PRKN: variants seen among roughly 807,000 people sequenced by gnomAD.
PRKN encodes the protein E3 ubiquitin-protein ligase parkin.
In PRKN, 56 loss-of-function variants were observed where a neutral mutation model predicts 59.5. The observed-to-expected ratio is 0.94, with a 90% confidence interval of 0.76 to 1.18. The LOEUF is 1.18. Ranked by LOEUF, PRKN falls within the 50% of genes most tolerant of loss-of-function variation. The pLI, the probability that PRKN is intolerant of heterozygous loss-of-function variation, is 0.00. For synonymous variants in PRKN, 250 were observed against 222.1 expected (o/e 1.13, Z -1.12); for missense variants, 657 against 596.4 (o/e 1.10, Z -1.06).
At chr6:161,637,569 T>A (rs375101761) in intron 7 of PRKN, among the ~76,000 whole-genome samples, 1 of 152,214 alleles carries the variant, frequency 6.6e-6, no homozygotes, top group South Asian at 2.1e-4. Flanking sequence ...GCCTTTCGTG[T>A]TTCTACAGAA....
chr6:161,759,995 C>A (rs1789122199), intron 7 of PRKN, among the ~76,000 whole-genome samples: 1 of 151,448 alleles, frequency 6.6e-6, no homozygotes. Flanking sequence ...CCGATTGAAC[C>A]ACAAATAATA....
In PRKN at chr6:161,977,819, TTG is replaced by T. The variant is rs1377494288; in HGVS notation, c.619-4404_619-4403del. On this transcript the variant is annotated intron_variant, in intron 5 of 11. Coordinates refer to ENST00000366898, the MANE Select transcript of PRKN (RefSeq NM_004562.3). ...ACCTTGGCCTCCCAAAGTGTTGGGA[TTG>T]TACAGGTGTGAGCCACCACGCCCGG... Among the ~76,000 whole-genome samples the T allele has an allele frequency of 9.2e-5, 14 of 151,408 alleles. No homozygotes were observed. The East Asian group carries it at 2.2e-3, about 23-fold the overall frequency.
In PRKN at chr6:161,467,147, A is replaced by G. The variant is rs1324725330; in HGVS notation, c.1084-80270T>C. The stretch of plus-strand genomic sequence containing the variant: ...TCAGTGTCCTGCTGCTGGGGGAGCC[A>G]TTTGTGCTGACGAATAGTTGTTTTT... On this transcript the variant is annotated intron_variant, in intron 9 of 11. Coordinates refer to ENST00000366898, the MANE Select transcript of PRKN (RefSeq NM_004562.3). The surrounding 1 kb of genome is among the most constrained non-coding windows in gnomAD (Gnocchi z 4.3). Among the ~76,000 whole-genome samples the G allele has an allele frequency of 6.6e-6, 1 of 152,120 alleles. No individual in the cohort carries two copies. Among genetic ancestry groups the G allele is most frequent in the East Asian group, 1.9e-4 (1 of 5,178 alleles).
chr6:162,642,302 T>C (rs1190784224), intron 1 of PRKN, among the ~76,000 whole-genome samples: 1 of 152,168 alleles, frequency 6.6e-6, no homozygotes, highest in African/African-American at 2.4e-5. Context: ...TTTAATGATA[T>C]GATCCATAAA....
chr6:161,361,184 T>C lies in PRKN; in HGVS notation c.1168-979A>G, dbSNP rs1485491913. 1.3e-5 allele frequency among the ~76,000 whole-genome samples: 2 copies of C among 152,200 alleles called. No individual in the cohort carries two copies. The highest frequency in any genetic ancestry group is 6.5e-5 in the Admixed American group (1 of 15,288). On this transcript the variant is annotated intron_variant, in intron 10 of 11. Coordinates refer to ENST00000366898, the MANE Select transcript of PRKN (RefSeq NM_004562.3). This position sits in a 1 kb window ranked among gnomAD's most constrained non-coding sequence, Gnocchi z 5.2. ...GATGCAGCATCACCAAAAACATGAA[T>C]CCAAACTTTGTCATTTCACTTTCGA... is the stretch of plus-strand genomic sequence containing the variant.
At chr6:162,125,320 C>G (rs1326663754) in intron 4 of PRKN, among the ~76,000 whole-genome samples, 1 of 152,186 alleles carries the variant, frequency 6.6e-6, no homozygotes, top group African/African-American at 2.4e-5. Flanking sequence ...AACACAGCCC[C>G]CCTTACATTC....
chr6:162,267,078 A>G (rs1257272651), intron 2 of PRKN: 1 of 152,154 alleles, frequency 6.6e-6, no homozygotes, highest in African/African-American at 2.4e-5. Context: ...AAATGTGACA[A>G]ATGTTGATGA....
At chr6:161,676,560 C>T (rs1000102683) in intron 7 of PRKN, among the ~76,000 whole-genome samples, 5 of 152,228 alleles carry the variant, frequency 3.3e-5, no homozygotes, top group East Asian at 1.9e-4. Flanking sequence ...TCAGCAGCCT[C>T]ACTCATTCGT....
chr6:162,319,955 A>T (rs536820610), intron 2 of PRKN, among the ~76,000 whole-genome samples: 1 of 151,960 alleles, frequency 6.6e-6, no homozygotes, highest in East Asian at 1.9e-4. Context: ...CTCATCATTC[A>T]TCCTACTTCC....
At chr6:161,573,077 C>A (rs1446657425) in intron 7 of PRKN, among the ~76,000 whole-genome samples, 1 of 152,194 alleles carries the variant, frequency 6.6e-6, no homozygotes, top group Non-Finnish European at 1.5e-5. Flanking sequence ...GCTTCCCCTG[C>A]CAGTGACGTC....
chr6:161,727,040 G>A (rs538631406), intron 7 of PRKN, among the ~76,000 whole-genome samples: 5 of 152,152 alleles, frequency 3.3e-5, no homozygotes, highest in African/African-American at 7.2e-5. Flanking sequence ...GTGTCTGGAC[G>A]AGGCGGATCT....
At chr6:162,550,220 C>T (rs1327730482) in intron 1 of PRKN, among the ~76,000 whole-genome samples, 5 of 152,234 alleles carry the variant, frequency 3.3e-5, no homozygotes, top group South Asian at 4.1e-4. Context: ...ACAGTAGCTT[C>T]GGCCTTTAGG....
intron 5 of PRKN, among the ~76,000 whole-genome samples, chr6:162,021,194 A>AT: frequency 8.7e-6 from 1 of 115,020 alleles, no homozygotes; most frequent in East Asian, 2.2e-4. Context: ...TATTATATAT[A>AT]TAATATATAT....
chr6:161,720,764 C>T (rs1269673352), intron 7 of PRKN, among the ~76,000 whole-genome samples: 2 of 101,764 alleles, frequency 2.0e-5, no homozygotes, highest in Admixed American at 2.2e-4. Context: ...ACTTTTAAAA[C>T]TATTTTTTTT....
chr6:161,619,866 A>G (rs1204200309), intron 7 of PRKN, among the ~76,000 whole-genome samples: 1 of 152,152 alleles, frequency 6.6e-6, no homozygotes, highest in Non-Finnish European at 1.5e-5. Context: ...TGTTAAAATT[A>G]TAATATTTTG....
At chr6:162,343,822 C>A (rs114742690) in intron 2 of PRKN, among the ~76,000 whole-genome samples, 2,365 of 152,160 alleles carry the variant, frequency 0.016, 47 homozygotes, top group East Asian at 0.11. Flanking sequence ...TACATGATTT[C>A]TAATGTTGCA....
rs1786286022 is a variant in PRKN, at chr6:161,387,020, A to T, written c.1084-143T>A. On this transcript the variant is annotated intron_variant, in intron 9 of 11. Coordinates refer to ENST00000366898, the MANE Select transcript of PRKN (RefSeq NM_004562.3). ...TAAAAATACTTTTTTTGCAAAGAGA[A>T]ATCAAGTTATGTTTTGATGGGATTG... 9.5e-6 allele frequency: 7 copies of T among 733,166 alleles called. No individual in the cohort carries two copies. In the East Asian group the frequency reaches 1.9e-4, roughly 20 times the overall value. 45.4% of individuals were successfully genotyped at this position (733,166 alleles called of 1,614,324 possible).
chr6:162,028,778 G>A (rs935422831), intron 5 of PRKN, among the ~76,000 whole-genome samples: 5 of 152,182 alleles, frequency 3.3e-5, no homozygotes, highest in African/African-American at 9.7e-5. Flanking sequence ...TCACATGGGG[G>A]ACCCGTAGCA....
intron 2 of PRKN, among the ~76,000 whole-genome samples, chr6:162,297,705 A>C (rs767217276): frequency 5.3e-5 from 8 of 152,302 alleles, no homozygotes; most frequent in Middle Eastern, 6.8e-3. Context: ...GAAAAATATA[A>C]TTAAAAACCA....
Sources: gnomAD v4.1 joint callset for allele counts (sites outside exome capture counted in the v4.1 genomes callset) on GRCh38, gnomAD v4.1.1 for gene constraint, Gnocchi (gnomAD v3.1) non-coding constraint, MANE v1.5 for transcripts, NCBI Gene and HGNC (gene_info 2026-07-23, HGNC 2026-07-21) for gene names.